Variants in ARHGAP29 observed in about 807,000 individuals in gnomAD.
ARHGAP29 encodes the protein rho GTPase-activating protein 29.
A neutral mutation model predicts 122.6 loss-of-function variants in ARHGAP29; 43 were observed. That is an observed-to-expected ratio of 0.35 (90% CI 0.27 to 0.45). The LOEUF is 0.45. ARHGAP29 is among the 20% of genes least tolerant of loss of function. The pLI, the probability that ARHGAP29 is intolerant of heterozygous loss-of-function variation, is 1.00. For missense variants in ARHGAP29, 1,303 were observed against 1,477.2 expected (o/e 0.88, Z 1.93); for synonymous variants, 506 against 497.1 (o/e 1.02, Z -0.24).
At chr1:94,215,794 A>T (rs1378788883) in intron 3 of ARHGAP29, among the ~76,000 whole-genome samples, 1 of 152,180 alleles carries the variant, frequency 6.6e-6, no homozygotes, top group Non-Finnish European at 1.5e-5. Context: ...AAGTAAAAAA[A>T]ATTTTTCAAC....
Position 94,196,185 on chromosome 1 carries a change from T to G in ARHGAP29, c.1281+5535A>C, listed in dbSNP as rs113904382. ...CAACAGAACACACATGCTTTTCAAG[T>G]GTACATGTGGAAAATTCATCACTGA... On this transcript the variant is annotated intron_variant, in intron 12 of 22. Transcript: ENST00000260526. Among the ~76,000 whole-genome samples the G allele has an allele frequency of 2.0e-3, 309 of 151,724 alleles. 2 individuals carry two copies. Among genetic ancestry groups the G allele is most frequent in the Middle Eastern group, 3.4e-3 (1 of 290 alleles).
intron 2 of ARHGAP29, among the ~76,000 whole-genome samples, chr1:94,229,869 T>A (rs1652827040): frequency 6.6e-6 from 1 of 151,688 alleles, no homozygotes; most frequent in Non-Finnish European, 1.5e-5. Flanking sequence ...ACTATCATTT[T>A]AAATCTGTGA....
chr1:94,195,208 T>C (rs928236581), intron 12 of ARHGAP29: 4 of 152,110 alleles, frequency 2.6e-5, no homozygotes, highest in African/African-American at 7.2e-5. Flanking sequence ...TTTTGGTTCA[T>C]TTATTAAACT....
the ARHGAP29 span, chr1:94,301,999 C>T: frequency 5.6e-6 from 1 of 179,498 alleles, no homozygotes; most frequent in African/African-American, 2.4e-5. Flanking sequence ...ACAGATGGCC[C>T]AGTCTTTAGT....
chr1:94,269,883 T>TG (rs1654924816), intron 1 of ARHGAP29, among the ~76,000 whole-genome samples: 1 of 152,230 alleles, frequency 6.6e-6, no homozygotes, highest in South Asian at 2.1e-4. Context: ...CTCCGTTTAC[T>TG]GGGGGGTCTG....
intron 1 of ARHGAP29, among the ~76,000 whole-genome samples, chr1:94,236,133 T>C (rs1653237469): frequency 6.6e-6 from 1 of 152,234 alleles, no homozygotes; most frequent in South Asian, 2.1e-4. Flanking sequence ...TAAATCTTTA[T>C]GGTTTTAAAA....
intron 11 of ARHGAP29, chr1:94,202,339 T>C (rs966229522): frequency 2.9e-5 from 18 of 630,284 alleles, no homozygotes; most frequent in South Asian, 2.7e-4. Flanking sequence ...GTTCTCAAAA[T>C]GTGGATCTTC....
Position 94,174,257 on chromosome 1 carries a change from C to T in ARHGAP29, c.3398G>A (p.Arg1133Lys), listed in dbSNP as rs1648941992. The change falls in exon 23 of 23, where the codon AGG (arginine) becomes AAG (lysine). Residue 1133 changes from arginine to lysine, a missense_variant. By Grantham distance (26) the Arg-to-Lys change is conservative (BLOSUM62 2). Around this residue, in one of 3 missense-constraint regions of ARHGAP29, gnomAD observed 620 missense variants for 651.2 expected, o/e 0.95. Coordinates refer to ENST00000260526, the MANE Select transcript of ARHGAP29 (RefSeq NM_004815.4). ...TCTCTCAGATGCCTCTCTCACTGAC[C>T]TGACTGGCTCTGCATATGGCTTACT... is the stretch of plus-strand genomic sequence containing the variant. ...QPSKPYAEPVRSVREASERRS... is the reference protein window; with the variant it reads ...QPSKPYAEPVKSVREASERRS... 6.2e-7 allele frequency: 1 copy of T among 1,614,180 alleles called. No individual in the cohort carries two copies. Among genetic ancestry groups the T allele is most frequent in the Admixed American group, 1.7e-5 (1 of 60,024 alleles).
intron 1 of ARHGAP29, among the ~76,000 whole-genome samples, chr1:94,255,804 T>C (rs1350462921): frequency 6.6e-6 from 1 of 152,212 alleles, no homozygotes; most frequent in East Asian, 1.9e-4. Context: ...GTCTCTTCAT[T>C]TGTATCTAAG....
intron 3 of ARHGAP29, among the ~76,000 whole-genome samples, chr1:94,211,876 G>T (rs965310512): frequency 6.6e-6 from 1 of 152,004 alleles, no homozygotes; most frequent in South Asian, 2.1e-4. Context: ...TTAGCATTAG[G>T]TATATCTCCT....
In ARHGAP29 at chr1:94,256,536, C is replaced by CTTTTT. The variant is rs530295333; in HGVS notation, c.-33+18471_-33+18475dup. 2.7e-3 allele frequency among the ~76,000 whole-genome samples: 122 copies of CTTTTT among 45,328 alleles called. 40 individuals are homozygous for CTTTTT. The highest frequency in any genetic ancestry group is 0.01 in the East Asian group (8 of 780). The allele number at this position is 45,328 out of a possible 152,430, so 29.7% of individuals were successfully genotyped here. A position where few individuals can be genotyped will look rare whatever the true frequency, so the allele number is the denominator to read the frequency against. On this transcript the variant is annotated intron_variant and NMD_transcript_variant, in intron 1 of 25. Transcript: ENST00000552844. ...CAGAAATAGATTTAACAGTACTAAT[C>CTTTTT]TTTTTTTTTTTTTTTTTTTTTTTTT...
chr1:94,273,024 A>G (rs1027049697), intron 1 of ARHGAP29, among the ~76,000 whole-genome samples: 7 of 152,204 alleles, frequency 4.6e-5, no homozygotes, highest in Non-Finnish European at 7.3e-5. Context: ...GAATAGATTT[A>G]TACATTAACA....
the ARHGAP29 span, among the ~76,000 whole-genome samples, chr1:94,300,650 A>G: frequency 6.6e-6 from 1 of 152,132 alleles, no homozygotes; most frequent in Non-Finnish European, 1.5e-5. Context: ...AATCCATCCT[A>G]TGTCTGATTT....
At chr1:94,186,427 T>C in intron 16 of ARHGAP29, 72 bp downstream of exon 16, 6 of 1,063,194 alleles carry the variant, frequency 5.6e-6, no homozygotes, top group Non-Finnish European at 6.9e-6. Flanking sequence ...AAAATTATAC[T>C]ATTTATCTAA....
At position 94,201,872 on chromosome 1, in the gene ARHGAP29, C is replaced by G; in HGVS notation, c.1144-15G>C. ...GCTTCTTCTACCTTCACAAATATCA[C>G]AGAAAAAAAAATAACACTAGAATTT... On this transcript the variant is annotated splice_polypyrimidine_tract_variant and intron_variant, in intron 11 of 22. Transcript: ENST00000260526. The G allele has an allele frequency of 1.5e-6, 2 of 1,378,794 alleles. No individual in the cohort carries two copies. The highest frequency in any genetic ancestry group is 1.9e-6 in the Non-Finnish European group (2 of 1,059,708). 85.4% of individuals were successfully genotyped at this position (1,378,794 alleles called of 1,614,324 possible).
intron 1 of ARHGAP29, among the ~76,000 whole-genome samples, chr1:94,235,748 T>C (rs1486329710): frequency 1.3e-5 from 2 of 152,342 alleles, no homozygotes; most frequent in Admixed American, 6.5e-5. Flanking sequence ...AAGAATTCTC[T>C]AGCAAGTAGA....
At chr1:94,264,648 C>A (rs1025564036) in intron 1 of ARHGAP29, among the ~76,000 whole-genome samples, 1 of 152,078 alleles carries the variant, frequency 6.6e-6, no homozygotes, top group Admixed American at 6.5e-5. Context: ...GCCTTATTAC[C>A]TGGGGCTCAG....
chr1:94,207,810 C>T (rs931438628), intron 5 of ARHGAP29, among the ~76,000 whole-genome samples: 2 of 151,358 alleles, frequency 1.3e-5, no homozygotes, highest in African/African-American at 2.4e-5. Flanking sequence ...ATATAAGTCC[C>T]TGGCACGTTT....
At chr1:94,192,599 CA>C in intron 12 of ARHGAP29, 1 of 152,288 alleles carries the variant, frequency 6.6e-6, no homozygotes, top group Non-Finnish European at 1.5e-5. Flanking sequence ...GAGGAGATGC[CA>C]AAACTCTGAT....
Sources: allele counts gnomAD v4.1 joint callset (sites outside exome capture counted in the v4.1 genomes callset), GRCh38; gene constraint gnomAD v4.1.1; regional missense constraint gnomAD v4.1.1; transcripts MANE v1.5; gene names NCBI Gene and HGNC (gene_info 2026-07-23, HGNC 2026-07-21).